Variants in NIT2 observed in about 807,000 individuals in gnomAD.
NIT2 encodes the protein nitrilase family member 2.
NIT2 carries 46 observed loss-of-function variants against 42.7 expected under a neutral mutation model. The ratio of observed to expected loss-of-function variants is 1.08; its 90% CI spans 0.85 to 1.38. NIT2 has a LOEUF of 1.38. Ranked by LOEUF, NIT2 falls within the 40% of genes most tolerant of loss-of-function variation. NIT2 has a pLI of 0.00. For missense variants in NIT2, 309 were observed against 342.5 expected, an observed-to-expected ratio of 0.90 and a Z score of 0.77; for synonymous variants, 123 against 121.9, an observed-to-expected ratio of 1.01 and a Z score of -0.06.
Position 100,339,129 on chromosome 3 carries a change from A to G in NIT2, c.50A>G (p.Lys17Arg). The change falls in exon 2 of 10, where the codon AAA becomes AGA. Residue 17 changes from lysine (K) to arginine (R), a missense_variant. Coordinates refer to ENST00000394140, the MANE Select transcript of NIT2 (RefSeq NM_020202.5). ...ATCCAGCTTCAGATTTCTTCCATCAAATCAGATAACGTCACTCGCGCTTGT... is the reference window on the plus strand; with the variant it reads ...ATCCAGCTTCAGATTTCTTCCATCAGATCAGATAACGTCACTCGCGCTTGT... The part of the protein sequence containing the change: ...ALIQLQISSI[K>R]SDNVTRACSF... 6.2e-7 allele frequency: 1 copy of G among 1,614,042 alleles called. No individual in the cohort carries two copies. The highest frequency in any genetic ancestry group is 8.5e-7 in the Non-Finnish European group (1 of 1,179,986).
In NIT2 at chr3:100,355,550, G is replaced by T; in HGVS notation, c.*282G>T. The T allele has an allele frequency of 3.1e-6, 1 of 321,876 alleles. No homozygotes were observed. The highest frequency in any genetic ancestry group is 5.6e-6 in the Non-Finnish European group (1 of 177,326). The allele number at this position is 321,876 out of a possible 1,614,324, so 19.9% of individuals were successfully genotyped here. ...GCAGTTTGTGAAAGTATCAGATCTT[G>T]GTATCCTGGTGATTGATTCACCTAA... On this transcript the variant is annotated 3_prime_UTR_variant, in exon 10 of 10. Coordinates refer to ENST00000394140, the MANE Select transcript of NIT2 (RefSeq NM_020202.5).
chr3:100,348,619 G>C (rs528636599), intron 6 of NIT2, among the ~76,000 whole-genome samples, 184 bp from the exon 7 acceptor site: 51 of 152,190 alleles, frequency 3.4e-4, no homozygotes, highest in Non-Finnish European at 6.6e-4. Context: ...TGTGACTTAC[G>C]TGTTCGTATT....
chr3:100,338,367 C>T (rs923250996), intron 1 of NIT2, among the ~76,000 whole-genome samples: 1 of 152,182 alleles, frequency 6.6e-6, no homozygotes, highest in African/African-American at 2.4e-5. Context: ...ATATCATGTT[C>T]TCTTGGACAC....
Position 100,357,308 on chromosome 3 carries a change from A to G in NIT2, c.*2040A>G, listed in dbSNP as rs930264584. ...CGAAATCATTTTCTTTTTTAAAAAT[A>G]TATTTTCTTACTTTTATATATTTTA... On this transcript the variant is annotated 3_prime_UTR_variant, in exon 10 of 10. Coordinates refer to ENST00000394140, the MANE Select transcript of NIT2 (RefSeq NM_020202.5). The G allele has an allele frequency of 1.3e-5, 2 of 152,106 alleles. No individual in the cohort carries two copies. The highest frequency in any genetic ancestry group is 2.4e-5 in the African/African-American group (1 of 41,434). 9.4% of individuals were successfully genotyped at this position (152,106 alleles called of 1,614,324 possible). A position where few individuals can be genotyped will look rare whatever the true frequency, so the allele number is the denominator to read the frequency against.
chr3:100,336,852 ATCC>A (rs1165854568), intron 1 of NIT2, among the ~76,000 whole-genome samples: 1 of 152,012 alleles, frequency 6.6e-6, no homozygotes, highest in African/African-American at 2.4e-5. Context: ...TCTTGCACTA[ATCC>A]TCCTCAGCAC....
In NIT2 at chr3:100,334,770, G is replaced by C. The variant is rs370793694; in HGVS notation, c.-22G>C. On this transcript the variant is annotated 5_prime_UTR_variant, in exon 1 of 10. Coordinates refer to ENST00000394140, the MANE Select transcript of NIT2 (RefSeq NM_020202.5). ...TCTCCAGCGCTCAGTCCGCGCCGCA[G>C]GTGGTGCTTGTCTGCAGAGTCATGA... The C allele has an allele frequency of 1.5e-6, 2 of 1,295,906 alleles. No individual in the cohort carries two copies. Among genetic ancestry groups the C allele is most frequent in the East Asian group, 2.9e-5 (1 of 34,788 alleles). The allele number at this position is 1,295,906 out of a possible 1,614,324, so 80.3% of individuals were successfully genotyped here.
intron 1 of NIT2, 22 bp downstream of exon 1, chr3:100,334,820 T>C (rs753011818): frequency 1.6e-6 from 2 of 1,285,760 alleles, no homozygotes; most frequent in Non-Finnish European, 2.0e-6. Context: ...GGCCGCGCGC[T>C]GCAGCTCGAG....
At chr3:100,335,890 A>G (rs550553303) in intron 1 of NIT2, among the ~76,000 whole-genome samples, 14 of 152,328 alleles carry the variant, frequency 9.2e-5, no homozygotes, top group African/African-American at 3.1e-4. Context: ...ACGCCCCTTT[A>G]GTCCCAAACT....
chr3:100,357,969 G>C lies in NIT2; in HGVS notation c.*2701G>C, dbSNP rs574682704. The C allele has an allele frequency of 6.6e-6, 1 of 152,194 alleles. No individual in the cohort carries two copies. The highest frequency in any genetic ancestry group is 2.4e-5 in the African/African-American group (1 of 41,522). The allele number at this position is 152,194 out of a possible 1,614,324, so 9.4% of individuals were successfully genotyped here. A position where few individuals can be genotyped will look rare whatever the true frequency, so the allele number is the denominator to read the frequency against. On this transcript the variant is annotated 3_prime_UTR_variant, in exon 10 of 10. Coordinates refer to ENST00000394140, the MANE Select transcript of NIT2 (RefSeq NM_020202.5). The stretch of plus-strand genomic sequence containing the variant: ...ATTTTTGTATTTTTAGTAGAAATGG[G>C]GTTTCACCATGTTGGCCAGTCTGAT...
chr3:100,354,418 T>C (rs188682364), intron 8 of NIT2, among the ~76,000 whole-genome samples: 27 of 152,290 alleles, frequency 1.8e-4, no homozygotes, highest in Admixed American at 6.5e-4. Flanking sequence ...CATGAGGGCA[T>C]GAGATGGAGC....
chr3:100,334,840 C>G (rs771729510), intron 1 of NIT2, 42 bp downstream of exon 1: 8 of 1,295,198 alleles, frequency 6.2e-6, no homozygotes, highest in African/African-American at 3.0e-5. Context: ...GTTCGGGCCG[C>G]GGGGGAGGCT....
At position 100,360,838 on chromosome 3, in the gene NIT2, C is replaced by T. The variant is rs778280631; in HGVS notation, c.*5570C>T. On this transcript the variant is annotated 3_prime_UTR_variant, in exon 10 of 10. Coordinates refer to ENST00000394140, the MANE Select transcript of NIT2 (RefSeq NM_020202.5). ...GACAGCTTTGGAAGGTAGAGACTAT[C>T]TTCCTCTGGATCATAGGACAGGTTT... 8 of 152,230 alleles carry T rather than the reference C, an allele frequency of 5.3e-5. No homozygotes were observed. Among genetic ancestry groups the T allele is most frequent in the Non-Finnish European group, 7.3e-5 (5 of 68,036 alleles). 9.4% of individuals were successfully genotyped at this position (152,230 alleles called of 1,614,324 possible).
In NIT2 at chr3:100,348,784, T is replaced by G. The variant is rs1706242810; in HGVS notation, c.506-19T>G. On this transcript the variant is annotated intron_variant, in intron 6 of 9. Transcript: ENST00000394140. ...AGTGCTCACTGCATCCACTGTTCTT[T>G]GGCTTTTCTCTCCCCAAGGCTGCCA... 1.2e-6 allele frequency: 2 copies of G among 1,611,846 alleles called. No individual in the cohort carries two copies. The highest frequency in any genetic ancestry group is 2.7e-5 in the African/African-American group (2 of 74,916).
intron 3 of NIT2, among the ~76,000 whole-genome samples, chr3:100,340,207 G>C (rs1236033205): frequency 6.6e-6 from 1 of 152,102 alleles, no homozygotes; most frequent in African/African-American, 2.4e-5. Flanking sequence ...TAGGACTGCA[G>C]GTGTGCGCCA....
intron 7 of NIT2, among the ~76,000 whole-genome samples, chr3:100,351,016 T>G (rs1367720049): frequency 6.6e-6 from 1 of 152,164 alleles, no homozygotes; most frequent in Non-Finnish European, 1.5e-5. Context: ...TTCATCCATG[T>G]CCCTACAAAG....
At chr3:100,339,356 G>C in intron 2 of NIT2, 151 bp downstream of exon 2, 1 of 671,162 alleles carries the variant, frequency 1.5e-6, no homozygotes, top group South Asian at 1.7e-5. Context: ...GATGACCTTA[G>C]CAAGGTTCTT....
chr3:100,334,765 C>G lies in NIT2; in HGVS notation c.-27C>G, dbSNP rs766865724. ...CCGGATCTCCAGCGCTCAGTCCGCG[C>G]CGCAGGTGGTGCTTGTCTGCAGAGT... is the stretch of plus-strand genomic sequence containing the variant. On this transcript the variant is annotated 5_prime_UTR_variant, in exon 1 of 10. Transcript: ENST00000394140. The G allele has an allele frequency of 1.5e-5, 20 of 1,303,460 alleles. No homozygotes were observed. Among genetic ancestry groups the G allele is most frequent in the Non-Finnish European group, 7.8e-6 (8 of 1,020,252 alleles). 80.7% of individuals were successfully genotyped at this position (1,303,460 alleles called of 1,614,324 possible). A position where few individuals can be genotyped will look rare whatever the true frequency, so the allele number is the denominator to read the frequency against.
At chr3:100,338,985 T>TC (rs1170691681) in intron 1 of NIT2, 102 bp from the exon 2 acceptor site, 19 of 801,796 alleles carry the variant, frequency 2.4e-5, no homozygotes, top group Non-Finnish European at 4.2e-5. Context: ...TTGTCAGATG[T>TC]CCCCCCGGGG....
intron 1 of NIT2, among the ~76,000 whole-genome samples, chr3:100,337,880 A>G (rs976385206): frequency 3.0e-4 from 46 of 152,270 alleles, no homozygotes; most frequent in African/African-American, 9.9e-4. Flanking sequence ...CTGGGCAACA[A>G]AGTGAGACCC....
Sources: allele counts gnomAD v4.1 joint callset (sites outside exome capture counted in the v4.1 genomes callset), GRCh38; gene constraint gnomAD v4.1.1; transcripts MANE v1.5; gene names NCBI Gene and HGNC (gene_info 2026-07-23, HGNC 2026-07-21).